ASPM: variants seen among roughly 807,000 people sequenced by gnomAD.
The protein encoded by ASPM is abnormal spindle-like microcephaly-associated protein.
Under a neutral mutation model 366.4 loss-of-function variants are expected in ASPM, and 256 were observed. The observed-to-expected ratio is 0.70, with a 90% CI of 0.63 to 0.77. The LOEUF (loss-of-function observed/expected upper bound fraction) is 0.77, where lower values mean the gene tolerates loss of function less well. Ranked by LOEUF, ASPM falls within the 30% of genes least tolerant of loss-of-function variation. ASPM has a pLI of 0.00. For missense variants in ASPM, 4,146 were observed against 4,090.4 expected, an observed-to-expected ratio of 1.01 and a Z score of -0.37; for synonymous variants, 1,414 against 1,342.9, an observed-to-expected ratio of 1.05 and a Z score of -1.16.
intron 4 of ASPM, among the ~76,000 whole-genome samples, chr1:197,136,305 T>C (rs890392660): frequency 2.6e-5 from 4 of 152,184 alleles, no homozygotes; most frequent in African/African-American, 9.7e-5. Flanking sequence ...AACCAAGCTA[T>C]ATGAATATAT....
rs1656508407 is a variant in ASPM, at chr1:197,084,198, G to A, written c.*126C>T. 3 of 695,908 alleles carry A rather than the reference G, an allele frequency of 4.3e-6. No individual in the cohort carries two copies. Among genetic ancestry groups the A allele is most frequent in the Non-Finnish European group, 7.6e-6 (3 of 396,550 alleles). 43.1% of individuals were successfully genotyped at this position (695,908 alleles called of 1,614,324 possible). A position where few individuals can be genotyped will look rare whatever the true frequency, so the allele number is the denominator to read the frequency against. ...ATAAAAATGAAGAATGTAATGAACAGTTTATGTTTTTTTAAAACAAAGTCA... is the reference window on the plus strand; with the variant it reads ...ATAAAAATGAAGAATGTAATGAACAATTTATGTTTTTTTAAAACAAAGTCA... On this transcript the variant is annotated 3_prime_UTR_variant, in exon 28 of 28. Coordinates refer to ENST00000367409, the MANE Select transcript of ASPM (RefSeq NM_018136.5).
chr1:197,100,392 A>G, intron 18 of ASPM, 39 bp downstream of exon 18: 1 of 1,294,504 alleles, frequency 7.7e-7, no homozygotes, highest in Admixed American at 2.6e-5. Context: ...GTCAAAAGAA[A>G]GACTCACAGT....
intron 8 of ASPM, 91 bp from the exon 9 acceptor site, chr1:197,129,408 T>C: frequency 1.4e-6 from 2 of 1,423,230 alleles, no homozygotes; most frequent in Non-Finnish European, 1.9e-6. Flanking sequence ...AAGGTGTTAG[T>C]AAAACAAAAA....
At chr1:197,096,217 G>T (rs1328638265) in intron 18 of ASPM, 53 bp from the exon 19 acceptor site, 2 of 1,419,008 alleles carry the variant, frequency 1.4e-6, no homozygotes, top group Non-Finnish European at 2.0e-6. Flanking sequence ...CTTTTTTTTT[G>T]TAAATAAGAC....
chr1:197,144,497 C>A (rs1459591686), intron 1 of ASPM, among the ~76,000 whole-genome samples: 1 of 152,156 alleles, frequency 6.6e-6, no homozygotes, highest in Non-Finnish European at 1.5e-5. Context: ...AGATGATCAG[C>A]TAAATTCCTT....
rs759841769 is a variant in ASPM, at chr1:197,144,018, T to C, written c.380A>G (p.Asn127Ser). The change falls in exon 2 of 28, where the codon AAT (asparagine) becomes AGT (serine). Residue 127 changes from asparagine to serine, a missense_variant. Physicochemically the swap from Asn to Ser is conservative, Grantham distance 46. Around this residue, in one of 3 missense-constraint regions of ASPM, gnomAD observed 512 missense variants for 471.7 expected, o/e 1.09. Coordinates refer to ENST00000367409, the MANE Select transcript of ASPM (RefSeq NM_018136.5). ...RVREIMTFLVNDVLKHQAILL... is the reference protein window; with the variant it reads ...RVREIMTFLVSDVLKHQAILL... ...TATAGCTTGGTGTTTCAGAACATCA[T>C]TTACAAGAAATGTCATAATCTCTCT... The C allele has an allele frequency of 2.5e-6, 4 of 1,610,824 alleles. No individual in the cohort carries two copies. The East Asian group carries it at 6.7e-5, about 27-fold the overall frequency.
chr1:197,114,578 C>G (rs1426166386), intron 17 of ASPM, among the ~76,000 whole-genome samples: 1 of 152,032 alleles, frequency 6.6e-6, no homozygotes, highest in Non-Finnish European at 1.5e-5. Flanking sequence ...ACAAAAAGTA[C>G]ATTTTTTTTT....
rs1185643231 is a variant in ASPM at position 197,142,715 on chromosome 1, T to A, written c.1537A>T (p.Asn513Tyr). 1.9e-6 allele frequency: 3 copies of A among 1,614,020 alleles called. No individual in the cohort carries two copies. The South Asian group carries it at 3.3e-5, about 18-fold the overall frequency. The change falls in exon 3 of 28, where the codon AAT (asparagine) becomes TAT (tyrosine). Residue 513 changes from asparagine to tyrosine, a missense_variant. Transcript: ENST00000367409. ...TCTRENQTEI[N>Y]KPKAKRCLNS... Reference sequence around the variant, plus strand: ...AGACATCTTTTTGCTTTTGGTTTATTAATCTCAGTTTGGTTTTCTCTGGTA... The same window carrying A: ...AGACATCTTTTTGCTTTTGGTTTATAAATCTCAGTTTGGTTTTCTCTGGTA...
Position 197,103,293 on chromosome 1 carries a change from T to A in ASPM, c.5958A>T (p.Gln1986His). 6.2e-7 allele frequency: 1 copy of A among 1,613,186 alleles called. No individual in the cohort carries two copies. The highest frequency in any genetic ancestry group is 8.5e-7 in the Non-Finnish European group (1 of 1,179,464). The change falls in exon 18 of 28, where the codon CAA becomes CAT. Residue 1986 changes from glutamine (Q) to histidine (H), a missense_variant. By Grantham distance (24) the Gln-to-His change is conservative (BLOSUM62 0). Coordinates refer to ENST00000367409, the MANE Select transcript of ASPM (RefSeq NM_018136.5). ...IIQSYYRMHV[Q>H]QKKWKIMKKA... The stretch of plus-strand genomic sequence containing the variant: ...TTTTCATGATTTTCCACTTCTTTTG[T>A]TGCACATGCATTCTATAGTATGACT...
Position 197,102,997 on chromosome 1 carries a change from T to C in ASPM, c.6254A>G (p.His2085Arg), listed in dbSNP as rs777722614. The C allele has an allele frequency of 5.6e-6, 9 of 1,612,244 alleles. No individual in the cohort carries two copies. In the African/African-American group the frequency reaches 8.0e-5, roughly 14 times the overall value. Residue 2085 changes from histidine (H) to arginine (R), a missense_variant, in exon 18 of 28, where the codon CAT becomes CGT. Physicochemically the swap from His to Arg is conservative, Grantham distance 29 (BLOSUM62 0). Coordinates refer to ENST00000367409, the MANE Select transcript of ASPM (RefSeq NM_018136.5). ...CAAATTAAGATACTCCTTATGCTGA[T>C]GGTTTGTAATTTTAATACCTCGATA... ...RWYRGIKITN[H>R]QHKEYLNLKK...
At position 197,117,897 on chromosome 1, in the gene ASPM, T is replaced by C; in HGVS notation, c.3957A>G (p.Ala1319=). Reference sequence around the variant, plus strand: ...TTCGCCAATATTTCTGAATGACGAGTGCTGCATTAACTCTTTTTCTCAATC... The same window carrying C: ...TTCGCCAATATTTCTGAATGACGAGCGCTGCATTAACTCTTTTTCTCAATC... The part of the protein sequence containing the change: ...KQRLRKRVNA[A]LVIQKYWRRV... The change falls in exon 17 of 28, where the codon GCA becomes GCG. Residue 1319 remains alanine, a synonymous_variant. Coordinates refer to ENST00000367409, the MANE Select transcript of ASPM (RefSeq NM_018136.5). The C allele has an allele frequency of 6.2e-7, 1 of 1,613,402 alleles. No individual in the cohort carries two copies. Among genetic ancestry groups the C allele is most frequent in the South Asian group, 1.1e-5 (1 of 91,070 alleles).
chr1:197,139,492 T>A (rs1251689015), intron 4 of ASPM, among the ~76,000 whole-genome samples: 9 of 152,212 alleles, frequency 5.9e-5, no homozygotes, highest in Non-Finnish European at 2.9e-5. Flanking sequence ...AATATCTGTC[T>A]TTTCTTTATG....
chr1:197,144,374 G>C (rs1362402679), intron 1 of ASPM, among the ~76,000 whole-genome samples: 1 of 152,118 alleles, frequency 6.6e-6, no homozygotes, highest in Non-Finnish European at 1.5e-5. Flanking sequence ...CATTTTGTTT[G>C]AGTGGTTTCA....
chr1:197,128,366 T>A, intron 10 of ASPM, 124 bp downstream of exon 10: 1 of 939,798 alleles, frequency 1.1e-6, no homozygotes, highest in Non-Finnish European at 1.6e-6. Context: ...AAACCTCAAT[T>A]TTTTTCAGTA....
At chr1:197,093,861 T>C (rs1488133049) in intron 20 of ASPM, among the ~76,000 whole-genome samples, 1 of 151,872 alleles carries the variant, frequency 6.6e-6, no homozygotes, top group Non-Finnish European at 1.5e-5. Flanking sequence ...GGTATGCCTG[T>C]ACAGTTATAT....
intron 21 of ASPM, among the ~76,000 whole-genome samples, chr1:197,092,603 T>C (rs1173277960): frequency 6.6e-6 from 1 of 151,958 alleles, no homozygotes; most frequent in African/African-American, 2.4e-5. Context: ...TGCCAGTACT[T>C]CACATATTGT....
intron 17 of ASPM, among the ~76,000 whole-genome samples, chr1:197,108,622 G>A (rs1343631617): frequency 1.3e-5 from 2 of 151,836 alleles, no homozygotes; most frequent in African/African-American, 2.4e-5. Flanking sequence ...CCAATTCTTC[G>A]AAAATTAGAA....
At chr1:197,096,759 C>A (rs1218382333) in intron 18 of ASPM, among the ~76,000 whole-genome samples, 1 of 151,692 alleles carries the variant, frequency 6.6e-6, no homozygotes, top group African/African-American at 2.4e-5. Context: ...ATACTATTAT[C>A]TCTAATTTAG....
chr1:197,085,539 C>T (rs529982652), intron 27 of ASPM, among the ~76,000 whole-genome samples: 8 of 152,094 alleles, frequency 5.3e-5, no homozygotes, highest in South Asian at 4.1e-4. Context: ...AAGTGTGGTA[C>T]GACCATACAA....
Sources: allele counts gnomAD v4.1 joint callset (sites outside exome capture counted in the v4.1 genomes callset), GRCh38; gene constraint gnomAD v4.1.1; regional missense constraint gnomAD v4.1.1; transcripts MANE v1.5; gene names NCBI Gene and HGNC (gene_info 2026-07-23, HGNC 2026-07-21).